Variants in LINGO2 observed in about 807,000 individuals in gnomAD.
LINGO2 encodes the protein leucine rich repeat and Ig domain containing 2.
LINGO2 carries 14 observed loss-of-function variants against 30.6 expected under a neutral mutation model. The observed-to-expected ratio is 0.46, with a 90% CI of 0.30 to 0.72. The LOEUF is 0.72. Ranked by LOEUF, LINGO2 falls within the 30% of genes least tolerant of loss-of-function variation. LINGO2 has a pLI of 0.07. For synonymous variants in LINGO2, 317 were observed against 288.5 expected (o/e 1.10, Z -1.00); for missense variants, 729 against 751.7 (o/e 0.97, Z 0.35).
chr9:29,137,425 A>T, the LINGO2 span, among the ~76,000 whole-genome samples: 9 of 152,184 alleles, frequency 5.9e-5, no homozygotes, highest in Non-Finnish European at 8.8e-5. Context: ...TTTAAAGTAA[A>T]CTAAATCAAA....
intron 1 of LINGO2, among the ~76,000 whole-genome samples, chr9:28,633,584 A>G (rs62548193): frequency 0.07 from 10,679 of 152,232 alleles, 541 homozygotes; most frequent in Admixed American, 0.18. Context: ...TACTTTAATA[A>G]GCAAACAAAC....
the LINGO2 span, among the ~76,000 whole-genome samples, chr9:29,071,165 T>TATTG: frequency 1.7e-5 from 2 of 117,874 alleles, no homozygotes; most frequent in Non-Finnish European, 3.4e-5. Flanking sequence ...TATTGTATTG[T>TATTG]ATTGTATTGT....
intron 1 of LINGO2, among the ~76,000 whole-genome samples, chr9:28,629,026 T>C (rs1480216578): frequency 2.0e-5 from 3 of 152,122 alleles, no homozygotes; most frequent in Admixed American, 6.6e-5. Context: ...TGAACATTTA[T>C]TATGTGGTGG....
chr9:28,246,675 T>C (rs1822011126), intron 4 of LINGO2, among the ~76,000 whole-genome samples: 1 of 152,056 alleles, frequency 6.6e-6, no homozygotes. Context: ...GGCAATACCA[T>C]TCAGGACATA....
chr9:28,474,563 T>C (rs1825653919), intron 2 of LINGO2, among the ~76,000 whole-genome samples: 2 of 152,326 alleles, frequency 1.3e-5, no homozygotes, highest in South Asian at 2.1e-4. Context: ...TACTACTCTT[T>C]TATAATTTTT....
intron 2 of LINGO2, among the ~76,000 whole-genome samples, chr9:28,420,938 C>T (rs891157592): frequency 6.6e-6 from 1 of 151,836 alleles, no homozygotes; most frequent in Non-Finnish European, 1.5e-5. Flanking sequence ...TGAAAAAATA[C>T]TAAAAATACT....
intron 4 of LINGO2, among the ~76,000 whole-genome samples, chr9:28,274,927 C>T (rs1023355653): frequency 6.6e-6 from 1 of 152,144 alleles, no homozygotes; most frequent in African/African-American, 2.4e-5. Flanking sequence ...TAGGTGCTCA[C>T]AAGTATTTAG....
the LINGO2 span, among the ~76,000 whole-genome samples, chr9:29,077,646 A>G: frequency 6.6e-6 from 1 of 152,098 alleles, no homozygotes; most frequent in African/African-American, 2.4e-5. Context: ...AAATCAAAGT[A>G]AAACAAAAAC....
chr9:28,698,285 T>C, the LINGO2 span, among the ~76,000 whole-genome samples: 4 of 152,102 alleles, frequency 2.6e-5, no homozygotes. Context: ...AAGCCATTCA[T>C]ATTATCATAA....
chr9:28,017,306 C>G (rs1231557827), intron 4 of LINGO2, among the ~76,000 whole-genome samples: 1 of 152,056 alleles, frequency 6.6e-6, no homozygotes, highest in Non-Finnish European at 1.5e-5. Context: ...TTTCACTACT[C>G]CTATGCAACA....
the LINGO2 span, among the ~76,000 whole-genome samples, chr9:29,154,449 CAAAAAAAAA>C: frequency 4.2e-5 from 4 of 95,492 alleles, no homozygotes; most frequent in South Asian, 1.5e-3. Context: ...GACTCCGTCT[CAAAAAAAAA>C]AAAAAAAAAA....
At chr9:28,742,606 T>C in the LINGO2 span, among the ~76,000 whole-genome samples, 1 of 151,972 alleles carries the variant, frequency 6.6e-6, no homozygotes, top group Non-Finnish European at 1.5e-5. Context: ...ATACTAAATC[T>C]ATATCTGTTA....
the LINGO2 span, among the ~76,000 whole-genome samples, chr9:29,118,896 T>G: frequency 6.6e-6 from 1 of 152,130 alleles, no homozygotes; most frequent in Admixed American, 6.5e-5. Context: ...CATGCCCCAG[T>G]AACAGGTCCG....
At chr9:28,626,237 A>G (rs1401662346) in intron 1 of LINGO2, among the ~76,000 whole-genome samples, 6 of 152,074 alleles carry the variant, frequency 3.9e-5, no homozygotes. Flanking sequence ...TGAATATCCA[A>G]ATATTTTACA....
intron 1 of LINGO2, among the ~76,000 whole-genome samples, chr9:28,636,806 G>A (rs565989896): frequency 6.6e-6 from 1 of 152,110 alleles, no homozygotes; most frequent in Non-Finnish European, 1.5e-5. Context: ...CTTTTGCTGT[G>A]CAGAAGCTCT....
At chr9:28,327,152 A>G (rs1825259231) in intron 3 of LINGO2, among the ~76,000 whole-genome samples, 1 of 152,092 alleles carries the variant, frequency 6.6e-6, no homozygotes, top group South Asian at 2.1e-4. Flanking sequence ...CATCCATGAG[A>G]AACAGGCCCT....
At chr9:29,115,207 G>C in the LINGO2 span, among the ~76,000 whole-genome samples, 1 of 151,958 alleles carries the variant, frequency 6.6e-6, no homozygotes, top group Non-Finnish European at 1.5e-5. Context: ...GCAAAGTATA[G>C]AAAAATATTA....
At chr9:28,913,214 C>T in the LINGO2 span, among the ~76,000 whole-genome samples, 9 of 152,108 alleles carry the variant, frequency 5.9e-5, no homozygotes, top group South Asian at 1.9e-3. Context: ...CTGTTATCAT[C>T]ATAATAATTC....
chr9:27,988,632 A>G (rs981542183), intron 5 of LINGO2, among the ~76,000 whole-genome samples: 1 of 151,944 alleles, frequency 6.6e-6, no homozygotes, highest in African/African-American at 2.4e-5. Flanking sequence ...TGTCGGCTGC[A>G]TAAATGTCTT....
Sources: gnomAD v4.1 joint callset for allele counts (sites outside exome capture counted in the v4.1 genomes callset) on GRCh38, gnomAD v4.1.1 for gene constraint, MANE v1.5 for transcripts, NCBI Gene and HGNC (gene_info 2026-07-23, HGNC 2026-07-21) for gene names.